UMODL1: variants seen among roughly 807,000 people sequenced by gnomAD.
UMODL1 encodes the protein uromodulin-like 1.
A neutral mutation model predicts 136.3 loss-of-function variants in UMODL1; 128 were observed. The ratio of observed to expected loss-of-function variants is 0.94; its 90% CI spans 0.81 to 1.09. The LOEUF (loss-of-function observed/expected upper bound fraction) is 1.09, where lower values mean the gene tolerates loss of function less well. UMODL1 is among the 50% of genes least tolerant of loss of function. The pLI, the probability that UMODL1 is intolerant of heterozygous loss-of-function variation, is 0.00. For synonymous variants in UMODL1, 721 were observed against 720.0 expected, an observed-to-expected ratio of 1.00 and a Z score of -0.02; for missense variants, 1,766 against 1,725.6, an observed-to-expected ratio of 1.02 and a Z score of -0.41.
At chr21:42,065,412 G>A (rs1413194741) in intron 1 of UMODL1, among the ~76,000 whole-genome samples, 6 of 152,298 alleles carry the variant, frequency 3.9e-5, no homozygotes, top group South Asian at 2.1e-4. Flanking sequence ...GGTCTGACCC[G>A]TCCTAAGAGA....
chr21:42,138,234 C>G (rs1157056537), intron 22 of UMODL1, among the ~76,000 whole-genome samples: 1 of 152,080 alleles, frequency 6.6e-6, no homozygotes, highest in Non-Finnish European at 1.5e-5. Flanking sequence ...GGGAAGATGC[C>G]CAAGAGGCCC....
At chr21:42,091,363 G>C (rs1357596335) in intron 6 of UMODL1, among the ~76,000 whole-genome samples, 4 of 152,204 alleles carry the variant, frequency 2.6e-5, no homozygotes, top group Non-Finnish European at 5.9e-5. Context: ...GGTGTTGGGG[G>C]AAGCATGTAG....
chr21:42,090,753 G>A (rs1297131037), intron 6 of UMODL1, among the ~76,000 whole-genome samples: 1 of 152,220 alleles, frequency 6.6e-6, no homozygotes, highest in South Asian at 2.1e-4. Context: ...TCTCGAACAA[G>A]TTGTTGGCCG....
At chr21:42,083,142 C>A (rs909019886) in intron 2 of UMODL1, among the ~76,000 whole-genome samples, 1 of 152,216 alleles carries the variant, frequency 6.6e-6, no homozygotes, top group South Asian at 2.1e-4. Flanking sequence ...CAACAGCCAG[C>A]GGGCTGGCCT....
chr21:42,111,781 A>G, intron 12 of UMODL1, 71 bp downstream of exon 12: 1 of 1,427,574 alleles, frequency 7.0e-7, no homozygotes, highest in Non-Finnish European at 9.4e-7. Flanking sequence ...CTCTGGGGCA[A>G]AGCTCCTGCA....
In UMODL1 at chr21:42,099,277, A is replaced by G; in HGVS notation, c.1186+97A>G. 2 of 1,496,958 alleles carry G rather than the reference A, an allele frequency of 1.3e-6. No individual in the cohort carries two copies. Among genetic ancestry groups the G allele is most frequent in the East Asian group, 2.3e-5 (1 of 42,748 alleles). The allele number at this position is 1,496,958 out of a possible 1,614,324, so 92.7% of individuals were successfully genotyped here. A position where few individuals can be genotyped will look rare whatever the true frequency, so the allele number is the denominator to read the frequency against. On this transcript the variant is annotated intron_variant, in intron 7 of 22. Transcript: ENST00000408910. This position sits in a 1 kb window ranked among gnomAD's most constrained non-coding sequence, Gnocchi z 4.1. ...ATGTCGCGTTCTTCTTCCTATAACC[A>G]GGGCACCAGAAGTCACTGACCGCCC...
chr21:42,095,089 G>GTTTTTTTTTTGTTTTTTTTTTTT (rs1555922534), intron 6 of UMODL1, among the ~76,000 whole-genome samples: 1 of 61,186 alleles, frequency 1.6e-5, no homozygotes, highest in African/African-American at 6.3e-5. Context: ...TTCTTCTGCT[G>GTTTTTTTTTTGTTTTTTTTTTTT]TTTTTTTTTT....
Position 42,109,450 on chromosome 21 carries a change from CCGGCCGTTCA to C in UMODL1, c.1520-110_1520-101del. On this transcript the variant is annotated intron_variant, in intron 9 of 22. Transcript: ENST00000408910. ...CGGATGCCCCAAAATGCCCCTGCTC[CCGGCCGTTCA>C]CTGCAAAGACGGCTAGGAAGGACTC... 18 of 1,482,798 alleles carry C rather than the reference CCGGCCGTTCA, an allele frequency of 1.2e-5. No individual in the cohort carries two copies. The South Asian group carries it at 2.1e-4, about 17-fold the overall frequency. The allele number at this position is 1,482,798 out of a possible 1,614,324, so 91.9% of individuals were successfully genotyped here.
intron 12 of UMODL1, among the ~76,000 whole-genome samples, chr21:42,112,406 GTTC>G (rs1284620780): frequency 1.3e-5 from 2 of 149,260 alleles, no homozygotes; most frequent in African/African-American, 5.0e-5. Flanking sequence ...CATCTCCCCA[GTTC>G]TTCTGCACCC....
At chr21:42,076,936 C>T (rs1367080684) in intron 2 of UMODL1, among the ~76,000 whole-genome samples, 2 of 149,540 alleles carry the variant, frequency 1.3e-5, no homozygotes, top group African/African-American at 4.9e-5. Flanking sequence ...GGGTCTGAGC[C>T]GTTGGGATAG....
At chr21:42,106,426 A>G (rs995923431) in intron 9 of UMODL1, among the ~76,000 whole-genome samples, 2 of 152,268 alleles carry the variant, frequency 1.3e-5, no homozygotes, top group East Asian at 1.9e-4. Context: ...TGGCACAACT[A>G]GAGCATTCCT....
chr21:42,119,868 A>AT (rs1224146642), intron 15 of UMODL1, among the ~76,000 whole-genome samples: 1 of 152,224 alleles, frequency 6.6e-6, no homozygotes, highest in Non-Finnish European at 1.5e-5. Flanking sequence ...AGAAAATACG[A>AT]TTTTTAGAGG....
chr21:42,136,452 G>T (rs116965280), intron 21 of UMODL1, among the ~76,000 whole-genome samples: 2,322 of 152,236 alleles, frequency 0.015, 32 homozygotes, highest in Non-Finnish European at 0.026. Context: ...CATGTTATTG[G>T]TGCCTCTTGG....
Position 42,127,169 on chromosome 21 carries a change from G to C in UMODL1, c.3457G>C (p.Val1153Leu). 1 of 1,614,180 alleles carries C rather than the reference G, an allele frequency of 6.2e-7. No individual in the cohort carries two copies. Among genetic ancestry groups the C allele is most frequent in the Non-Finnish European group, 8.5e-7 (1 of 1,180,022 alleles). Residue 1153 changes from valine (V) to leucine (L), a missense_variant, in exon 19 of 23, where the codon GTC becomes CTC. Transcript: ENST00000408910. ...LYRQKSNLKVVLTECWATPSS... is the reference protein window; with the variant it reads ...LYRQKSNLKVLLTECWATPSS... Reference sequence around the variant, plus strand: ...CAGGCAGAAAAGCAACCTCAAGGTGGTCCTGACGGAGTGCTGGGCAACCCC... The same window carrying C: ...CAGGCAGAAAAGCAACCTCAAGGTGCTCCTGACGGAGTGCTGGGCAACCCC...
intron 1 of UMODL1, among the ~76,000 whole-genome samples, chr21:42,065,578 C>T (rs1007090390): frequency 4.6e-5 from 7 of 151,194 alleles, no homozygotes; most frequent in Non-Finnish European, 8.8e-5. Context: ...CGCTCTGTCA[C>T]CCTGACTGGA....
intron 14 of UMODL1, 94 bp from the exon 15 acceptor site, chr21:42,119,017 G>C (rs1728147793): frequency 7.6e-7 from 1 of 1,323,718 alleles, no homozygotes; most frequent in African/African-American, 1.5e-5. Context: ...GGCCAGCCCT[G>C]CTGCTGGGCA....
intron 1 of UMODL1, among the ~76,000 whole-genome samples, chr21:42,073,668 C>T (rs2066256726): frequency 6.6e-6 from 1 of 152,146 alleles, no homozygotes; most frequent in African/African-American, 2.4e-5. Flanking sequence ...GGGTGAGTAA[C>T]AAGCCCCTGG....
chr21:42,108,996 AC>A (rs2066772252), intron 9 of UMODL1, among the ~76,000 whole-genome samples: 9 of 79,592 alleles, frequency 1.1e-4, no homozygotes, highest in East Asian at 4.2e-4. Flanking sequence ...GCTCAGCTGG[AC>A]CCCCACCCCC....
chr21:42,126,126 C>T (rs980911602), intron 17 of UMODL1, among the ~76,000 whole-genome samples: 6 of 152,218 alleles, frequency 3.9e-5, no homozygotes, highest in Non-Finnish European at 8.8e-5. Context: ...CCCACAGGTT[C>T]AGGTGCTGCC....
Sources: allele counts gnomAD v4.1 joint callset (sites outside exome capture counted in the v4.1 genomes callset), GRCh38; gene constraint gnomAD v4.1.1; non-coding constraint Gnocchi (gnomAD v3.1); transcripts MANE v1.5; gene names NCBI Gene and HGNC (gene_info 2026-07-23, HGNC 2026-07-21).